ANK2: variants seen among roughly 807,000 people sequenced by gnomAD.
ANK2 encodes ankyrin-2.
Under a neutral mutation model 360.5 loss-of-function variants are expected in ANK2, and 83 were observed. That is an observed-to-expected ratio of 0.23 (90% CI 0.19 to 0.28). ANK2 has a LOEUF of 0.28. ANK2 is among the 10% of genes least tolerant of loss of function. The pLI, the probability that ANK2 is intolerant of heterozygous loss-of-function variation, is 1.00. For synonymous variants in ANK2, 1,740 were observed against 1,759.5 expected (o/e 0.99, Z 0.28); for missense variants, 4,201 against 4,795.7 (o/e 0.88, Z 3.66).
At chr4:112,845,886 T>C (rs1362834362) in intron 1 of ANK2, among the ~76,000 whole-genome samples, 1 of 152,214 alleles carries the variant, frequency 6.6e-6, no homozygotes, top group East Asian at 1.9e-4. Flanking sequence ...TACCTTGACT[T>C]CCTTCCTTAT....
chr4:112,762,959 T>C, the ANK2 span, among the ~76,000 whole-genome samples: 3 of 152,236 alleles, frequency 2.0e-5, no homozygotes, highest in Non-Finnish European at 2.9e-5. Context: ...GTTTTGAAAA[T>C]GATATAGTTT....
rs748654930 is a variant in ANK2, at chr4:113,049,741, G to T, written c.13G>T (p.Asp5Tyr). Reference sequence around the variant, plus strand: ...CAAACTGTTCAAAATGATGAACGAAGATGCAGCTCAGAAAAGCGACAGTGG... The same window carrying T: ...CAAACTGTTCAAAATGATGAACGAATATGCAGCTCAGAAAAGCGACAGTGG... MMNE[D>Y]AAQKSDSGEK... Residue 5 changes from aspartate (D) to tyrosine (Y), a missense_variant, in exon 1 of 46, where the codon GAT becomes TAT. Transcript: ENST00000357077. The T allele has an allele frequency of 1.3e-6, 2 of 1,599,070 alleles. No individual in the cohort carries two copies. The highest frequency in any genetic ancestry group is 1.1e-5 in the South Asian group (1 of 90,848).
At chr4:113,259,484 A>G (rs574899096) in intron 13 of ANK2, among the ~76,000 whole-genome samples, 2 of 152,216 alleles carry the variant, frequency 1.3e-5, no homozygotes, top group South Asian at 4.1e-4. Context: ...CACCATTTCC[A>G]CAGTGAAGTT....
intron 2 of ANK2, among the ~76,000 whole-genome samples, chr4:113,003,287 A>G (rs2051484989): frequency 6.6e-6 from 1 of 152,214 alleles, no homozygotes; most frequent in Non-Finnish European, 1.5e-5. Flanking sequence ...GATAGGCATG[A>G]CATGTTTTTG....
chr4:113,196,434 G>A lies in ANK2; in HGVS notation c.253G>A (p.Gly85Arg). 1 of 1,613,502 alleles carries A rather than the reference G, an allele frequency of 6.2e-7. No homozygotes were observed. The highest frequency in any genetic ancestry group is 1.1e-5 in the South Asian group (1 of 90,836). ...GHVGLVQELL[G>R]RGSSVDSATK... is the part of the protein sequence containing the mutation. ...CGTGGGGCTGGTGCAGGAGCTGCTG[G>A]GAAGAGGGTCCTCTGTGGATTCTGC... Residue 85 changes from glycine (G) to arginine (R), a missense_variant, in exon 3 of 46, where the codon GGA (glycine) becomes AGA (arginine). Physicochemically the swap from Gly to Arg is moderately radical, Grantham distance 125. This residue lies in a region of ANK2 where 169 missense variants were observed against 191.1 expected (regional missense o/e 0.88). Coordinates refer to ENST00000357077, the MANE Select transcript of ANK2 (RefSeq NM_001148.6).
At chr4:113,176,367 A>G (rs1463404483) in intron 2 of ANK2, among the ~76,000 whole-genome samples, 4 of 152,216 alleles carry the variant, frequency 2.6e-5, no homozygotes, top group African/African-American at 9.6e-5. Flanking sequence ...ACACTGACCT[A>G]TGGAATAAAC....
At chr4:113,349,364 C>CT (rs1032380138) in intron 36 of ANK2, among the ~76,000 whole-genome samples, 1 of 151,972 alleles carries the variant, frequency 6.6e-6, no homozygotes, top group African/African-American at 2.4e-5. Flanking sequence ...TACTAGTTTT[C>CT]TTTTTTTAAA....
chr4:113,373,651 T>C, intron 45 of ANK2: 1 of 761,310 alleles, frequency 1.3e-6, no homozygotes, highest in Non-Finnish European at 2.4e-6. Flanking sequence ...GTAGGCATTA[T>C]ACTCATTGTT....
At chr4:112,822,050 G>C (rs2057212137) in intron 1 of ANK2, among the ~76,000 whole-genome samples, 1 of 152,070 alleles carries the variant, frequency 6.6e-6, no homozygotes, top group Non-Finnish European at 1.5e-5. Flanking sequence ...TTACAGGCAT[G>C]AGCCACTGCG....
At chr4:113,350,938 T>G (rs1425559624) in intron 37 of ANK2, 1 of 152,108 alleles carries the variant, frequency 6.6e-6, no homozygotes, top group African/African-American at 2.4e-5. Context: ...TAGGGTTAAT[T>G]TTAAATAATG....
chr4:113,256,357 G>A lies in ANK2; in HGVS notation c.1188+425G>A, dbSNP rs959684674. ...ATTAATGGTGAATATATTTGACTAT[G>A]TAAGGGGGTATAAAATGTAAGTCTA... On this transcript the variant is annotated intron_variant, in intron 11 of 45. Coordinates refer to ENST00000357077, the MANE Select transcript of ANK2 (RefSeq NM_001148.6). 2.6e-5 allele frequency among the ~76,000 whole-genome samples: 4 copies of A among 152,312 alleles called. No individual in the cohort carries two copies. The East Asian group carries it at 7.7e-4, about 29-fold the overall frequency.
intron 34 of ANK2, among the ~76,000 whole-genome samples, chr4:113,343,958 CTT>C: frequency 6.6e-6 from 1 of 152,172 alleles, no homozygotes; most frequent in African/African-American, 2.4e-5. Context: ...AGCAATGACT[CTT>C]TTTATTTTAA....
intron 1 of ANK2, among the ~76,000 whole-genome samples, chr4:113,097,848 G>T (rs1562038982): frequency 1.4e-5 from 1 of 73,740 alleles, no homozygotes; most frequent in Non-Finnish European, 2.5e-5. Flanking sequence ...ATATGTGTGT[G>T]TGTGTGTGTG....
chr4:112,980,593 C>T (rs1285088763), intron 2 of ANK2: 1 of 152,184 alleles, frequency 6.6e-6, no homozygotes, highest in African/African-American at 2.4e-5. Flanking sequence ...CAAATGAGAA[C>T]CCTTCTTAAC....
At position 113,354,083 on chromosome 4, in the gene ANK2, C is replaced by T. The variant is rs1469205234; in HGVS notation, c.5465C>T (p.Ser1822Phe). ...SLKSERHAPG[S>F]PSPKTERHST... ...AAGTCAGAGAGACATGCGCCAGGGT[C>T]TCCCTCCCCTAAAACAGAAAGACAC... The change falls in exon 38 of 46, where the codon TCT becomes TTT. Residue 1822 changes from serine (S) to phenylalanine (F), a missense_variant. Physicochemically the swap from Ser to Phe is radical, Grantham distance 155. Coordinates refer to ENST00000357077, the MANE Select transcript of ANK2 (RefSeq NM_001148.6). 1.2e-6 allele frequency: 2 copies of T among 1,614,048 alleles called. No individual in the cohort carries two copies. The highest frequency in any genetic ancestry group is 1.1e-5 in the South Asian group (1 of 91,070).
chr4:112,788,190 C>T, the ANK2 span: 470,168 of 1,586,438 alleles, frequency 0.3, 70,500 homozygotes, highest in East Asian at 0.34. Context: ...CGGCAGATCT[C>T]ATCGTATCTG....
chr4:112,912,716 A>G (rs2088093836), intron 2 of ANK2, among the ~76,000 whole-genome samples: 1 of 152,144 alleles, frequency 6.6e-6, no homozygotes, highest in South Asian at 2.1e-4. Context: ...ACCAGAGTGA[A>G]GTAGAGATAT....
chr4:113,317,319 C>A, intron 24 of ANK2: 1 of 244,288 alleles, frequency 4.1e-6, no homozygotes, highest in Non-Finnish European at 8.2e-6. Context: ...TTATATTTTT[C>A]TTAGTTGCAG....
intron 1 of ANK2, among the ~76,000 whole-genome samples, chr4:112,866,289 A>G (rs2070497684): frequency 6.6e-6 from 1 of 152,228 alleles, no homozygotes; most frequent in Non-Finnish European, 1.5e-5. Flanking sequence ...ATCAACTGCT[A>G]GGTAAGAACA....
Sources: gnomAD v4.1 joint callset for allele counts (sites outside exome capture counted in the v4.1 genomes callset) on GRCh38, gnomAD v4.1.1 for gene constraint, gnomAD v4.1.1 regional missense constraint, MANE v1.5 for transcripts, NCBI Gene and HGNC (gene_info 2026-07-23, HGNC 2026-07-21) for gene names.